Variants in TPO observed in about 807,000 individuals in gnomAD.
TPO encodes the protein thyroid microsomal antigen.
In TPO, 78 loss-of-function variants were observed where a neutral mutation model predicts 96.9. That is an observed-to-expected ratio of 0.81 (90% CI 0.67 to 0.97). The LOEUF (loss-of-function observed/expected upper bound fraction) is 0.97. TPO is among the 50% of genes least tolerant of loss of function. The pLI is 0.00. For missense variants in TPO, 1,252 were observed against 1,274.8 expected, an observed-to-expected ratio of 0.98 and a Z score of 0.27; for synonymous variants, 547 against 538.0, an observed-to-expected ratio of 1.02 and a Z score of -0.23.
rs1429724972 is a variant in TPO at position 1,477,618 on chromosome 2, T to A, written c.1338+14T>A. On this transcript the variant is annotated intron_variant, in intron 8 of 16. Coordinates refer to ENST00000329066, the MANE Select transcript of TPO (RefSeq NM_001206744.2). ...GCTCTGCACCAGGTGCGCGGGGTGG[T>A]CCTGGGCGCCCTGGGTGGCTGCGGG... The A allele has an allele frequency of 6.7e-7, 1 of 1,493,872 alleles. No individual in the cohort carries two copies. Among genetic ancestry groups the A allele is most frequent in the East Asian group, 2.6e-5 (1 of 39,034 alleles). 92.5% of individuals were successfully genotyped at this position (1,493,872 alleles called of 1,614,324 possible).
intron 15 of TPO, among the ~76,000 whole-genome samples, chr2:1,539,791 C>A (rs1344531426): frequency 6.8e-6 from 1 of 146,288 alleles, no homozygotes; most frequent in Admixed American, 7.1e-5. Flanking sequence ...TGCTCAGGAC[C>A]GGTGATGATG....
At position 1,403,713 on chromosome 2, in the gene TPO, C is replaced by T. The variant is rs1263019610; in HGVS notation, n.180+29311C>T. Among the ~76,000 whole-genome samples, 6 of 152,218 alleles carry T rather than the reference C, an allele frequency of 3.9e-5. No individual in the cohort carries two copies. The East Asian group carries it at 5.8e-4, about 15-fold the overall frequency. The stretch of plus-strand genomic sequence containing the variant: ...CGTGGTCCCGTGACAGTCCCGAGAG[C>T]GGCTCACAGATGGCTCCATCTCCCT... On this transcript the variant is annotated intron_variant and non_coding_transcript_variant, in intron 1 of 5. Coordinates refer to the TPO transcript ENST00000497517.
At chr2:1,526,913 C>T (rs889187478) in intron 15 of TPO, among the ~76,000 whole-genome samples, 2 of 149,386 alleles carry the variant, frequency 1.3e-5, no homozygotes, top group African/African-American at 2.5e-5. Flanking sequence ...TGTGCAACCT[C>T]CCCAAATCCC....
At chr2:1,388,066 T>C (rs1661929898) in intron 1 of TPO, among the ~76,000 whole-genome samples, 1 of 152,206 alleles carries the variant, frequency 6.6e-6, no homozygotes, top group African/African-American at 2.4e-5. Context: ...ATCCTTCCTC[T>C]GGAGGTTTCG....
intron 13 of TPO, among the ~76,000 whole-genome samples, chr2:1,500,516 CAAG>C (rs1273408297): frequency 2.6e-5 from 4 of 152,238 alleles, no homozygotes; most frequent in South Asian, 4.1e-4. Flanking sequence ...TATAAGCACT[CAAG>C]GAGATCCTCA....
intron 8 of TPO, among the ~76,000 whole-genome samples, chr2:1,479,590 T>A (rs1164366286): frequency 6.6e-6 from 1 of 152,114 alleles, no homozygotes; most frequent in Non-Finnish European, 1.5e-5. Context: ...GTCTTTCTTC[T>A]CCATGGAGTT....
chr2:1,404,441 C>T (rs1662218425), intron 1 of TPO, among the ~76,000 whole-genome samples: 1 of 152,114 alleles, frequency 6.6e-6, no homozygotes, highest in Admixed American at 6.5e-5. Flanking sequence ...GGGCTGACCC[C>T]CAGCATTTCA....
chr2:1,496,127 C>A lies in TPO; in HGVS notation c.2145C>A (p.Pro715=), dbSNP rs732608. The A allele has an allele frequency of 1.2e-6, 2 of 1,613,588 alleles. No individual in the cohort carries two copies. Among genetic ancestry groups the A allele is most frequent in the East Asian group, 4.5e-5 (2 of 44,844 alleles). Residue 715 remains proline, a synonymous_variant, in exon 12 of 17, where the codon CCC becomes CCA. Transcript: ENST00000329066. The part of the protein sequence containing the change: ...PMDAFQVGKF[P]EDFESCDSIT... ...ATGCCTTCCAAGTCGGCAAATTCCC[C>A]GAAGACTTTGAGTCTTGTGACAGCA...
At chr2:1,421,960 C>A (rs760663068) in intron 2 of TPO, among the ~76,000 whole-genome samples, 7 of 152,202 alleles carry the variant, frequency 4.6e-5, no homozygotes, top group African/African-American at 1.4e-4. Flanking sequence ...GGGTCCCCGG[C>A]GAGCTGTGAG....
chr2:1,512,952 C>T (rs568742844), intron 14 of TPO, among the ~76,000 whole-genome samples: 1 of 152,354 alleles, frequency 6.6e-6, no homozygotes, highest in Admixed American at 6.5e-5. Context: ...TTCTGCATCC[C>T]TGACGCACAA....
chr2:1,446,240 TC>T (rs1274311749), intron 5 of TPO, among the ~76,000 whole-genome samples: 3 of 152,200 alleles, frequency 2.0e-5, no homozygotes, highest in African/African-American at 4.8e-5. Flanking sequence ...TAGTTAGTTT[TC>T]CCTGACCTGG....
At chr2:1,375,420 C>A (rs555337810) in intron 1 of TPO, among the ~76,000 whole-genome samples, 9 of 152,094 alleles carry the variant, frequency 5.9e-5, no homozygotes, top group African/African-American at 2.2e-4. Flanking sequence ...CCCAGTGGGA[C>A]CTGTGACCCG....
upstream of TPO, among the ~76,000 whole-genome samples, chr2:1,411,094 T>C (rs930502055): frequency 6.6e-6 from 1 of 152,158 alleles, no homozygotes; most frequent in Non-Finnish European, 1.5e-5. Context: ...TTCTCAAAAA[T>C]GTGTGTGCTA....
chr2:1,512,515 T>C, intron 14 of TPO: 1 of 980,096 alleles, frequency 1.0e-6, no homozygotes. Flanking sequence ...GATGCTTGCA[T>C]GGTGCTGTCC....
intron 1 of TPO, among the ~76,000 whole-genome samples, chr2:1,399,081 T>G (rs1319046307): frequency 6.6e-6 from 1 of 152,174 alleles, no homozygotes; most frequent in Non-Finnish European, 1.5e-5. Context: ...TCCCTGCAGG[T>G]GCATTTCCCA....
chr2:1,424,529 A>G (rs1449986959), intron 3 of TPO, among the ~76,000 whole-genome samples: 1 of 152,216 alleles, frequency 6.6e-6, no homozygotes, highest in Non-Finnish European at 1.5e-5. Flanking sequence ...TTTGGTTTAC[A>G]AATTGCATGT....
intron 15 of TPO, among the ~76,000 whole-genome samples, chr2:1,537,538 C>CCCCGTGTG (rs1649084590): frequency 5.5e-5 from 2 of 36,252 alleles, no homozygotes; most frequent in African/African-American, 1.0e-4. Flanking sequence ...CCTATCCCCC[C>CCCCGTGTG]CAGTGTGCAA....
At chr2:1,438,986 G>A (rs1665889643) in intron 5 of TPO, 1 of 614,884 alleles carries the variant, frequency 1.6e-6, no homozygotes, top group Admixed American at 2.9e-5. Flanking sequence ...AGTAGAGCCT[G>A]AACCTTTCTT....
At chr2:1,415,542 T>C (rs1205289371) in intron 2 of TPO, among the ~76,000 whole-genome samples, 31 of 122,754 alleles carry the variant, frequency 2.5e-4, no homozygotes, top group South Asian at 5.6e-4. Context: ...GGTGACACCT[T>C]GCCGGGCAGG....
Sources: allele counts gnomAD v4.1 joint callset (sites outside exome capture counted in the v4.1 genomes callset), GRCh38; gene constraint gnomAD v4.1.1; transcripts MANE v1.5; gene names NCBI Gene and HGNC (gene_info 2026-07-23, HGNC 2026-07-21).